R3HDM2: variants seen among roughly 807,000 people sequenced by gnomAD.
R3HDM2 encodes the protein R3H domain containing 2.
R3HDM2 carries 38 observed loss-of-function variants against 124.5 expected under a neutral mutation model. That is an observed-to-expected ratio of 0.31 (90% CI 0.24 to 0.40). The LOEUF is 0.40. Among genes scored for constraint, R3HDM2 ranks in the 10% least tolerant of loss-of-function variants. The pLI is 1.00. For synonymous variants in R3HDM2, 391 were observed against 448.0 expected (o/e 0.87, Z 1.61); for missense variants, 869 against 1,236.9 (o/e 0.70, Z 4.46).
chr12:57,336,891 A>G (rs2058921452), intron 2 of R3HDM2, among the ~76,000 whole-genome samples: 1 of 152,034 alleles, frequency 6.6e-6, no homozygotes, highest in Admixed American at 6.6e-5. Flanking sequence ...TAATGTTTAC[A>G]TTACAAAATT....
intron 3 of R3HDM2, chr12:57,304,622 T>G: frequency 1.7e-6 from 1 of 588,202 alleles, no homozygotes; most frequent in Non-Finnish European, 2.1e-6. Flanking sequence ...GTAAGATCTG[T>G]TGCAGTAAGG....
chr12:57,270,336 C>T (rs1295523036), intron 14 of R3HDM2, among the ~76,000 whole-genome samples: 2 of 152,210 alleles, frequency 1.3e-5, no homozygotes, highest in Non-Finnish European at 2.9e-5. Flanking sequence ...AATTCTCGTG[C>T]CTCAGCCTCC....
intron 4 of R3HDM2, 22 bp downstream of exon 4, chr12:57,303,154 A>G: frequency 6.7e-7 from 1 of 1,485,000 alleles, no homozygotes; most frequent in Non-Finnish European, 9.2e-7. Flanking sequence ...ATTAGAAAAG[A>G]AGCTAGAGGA....
At chr12:57,287,433 G>A (rs1388904820) in intron 12 of R3HDM2, among the ~76,000 whole-genome samples, 1 of 152,078 alleles carries the variant, frequency 6.6e-6, no homozygotes, top group Non-Finnish European at 1.5e-5. Flanking sequence ...ACAATGCAAG[G>A]TCCTCTCTGC....
At chr12:57,353,117 A>G (rs1162601659) in intron 2 of R3HDM2, among the ~76,000 whole-genome samples, 1 of 152,082 alleles carries the variant, frequency 6.6e-6, no homozygotes, top group Non-Finnish European at 1.5e-5. Flanking sequence ...AAATCAGAAA[A>G]AACATTGAAA....
At chr12:57,406,903 C>G (rs865906079) in intron 1 of R3HDM2, among the ~76,000 whole-genome samples, 1 of 152,052 alleles carries the variant, frequency 6.6e-6, no homozygotes, top group Admixed American at 6.6e-5. Context: ...GACAGATGAC[C>G]CAATTTCTTT....
At chr12:57,310,068 G>A (rs899135773) in intron 3 of R3HDM2, among the ~76,000 whole-genome samples, 196 bp downstream of exon 3, 4 of 152,068 alleles carry the variant, frequency 2.6e-5, no homozygotes, top group African/African-American at 9.7e-5. Context: ...TATATTAGCT[G>A]GATGTGGTTG....
intron 2 of R3HDM2, among the ~76,000 whole-genome samples, chr12:57,374,118 A>T (rs2063728328): frequency 6.6e-6 from 1 of 151,928 alleles, no homozygotes; most frequent in South Asian, 2.1e-4. Context: ...CCAGAGCAAG[A>T]CTCTGTCTCA....
intron 2 of R3HDM2, among the ~76,000 whole-genome samples, chr12:57,320,754 T>C (rs920780419): frequency 3.3e-5 from 5 of 151,900 alleles, no homozygotes; most frequent in African/African-American, 1.2e-4. Context: ...CATAATAGAG[T>C]GAGATTATAT....
At chr12:57,371,259 C>T (rs1433552737) in intron 2 of R3HDM2, among the ~76,000 whole-genome samples, 1 of 151,256 alleles carries the variant, frequency 6.6e-6, no homozygotes, top group African/African-American at 2.4e-5. Flanking sequence ...AAGTAAAGAA[C>T]ACAGGAGTAG....
At chr12:57,349,777 G>A (rs551882958) in intron 2 of R3HDM2, among the ~76,000 whole-genome samples, 211 of 152,036 alleles carry the variant, frequency 1.4e-3, no homozygotes, top group Non-Finnish European at 2.8e-3. Flanking sequence ...AGCCAGGATG[G>A]TCTCCATCTC....
chr12:57,300,740 A>G (rs533357850), intron 4 of R3HDM2, among the ~76,000 whole-genome samples: 4 of 152,354 alleles, frequency 2.6e-5, no homozygotes, highest in Admixed American at 6.5e-5. Context: ...CTTAGCATAC[A>G]GTAGACAATA....
intron 1 of R3HDM2, among the ~76,000 whole-genome samples, chr12:57,404,113 G>A (rs2068303311): frequency 1.3e-5 from 1 of 76,798 alleles, no homozygotes; most frequent in Admixed American, 2.0e-4. Context: ...TGCCCAGGCT[G>A]GAGTGCAATG....
intron 4 of R3HDM2, 117 bp downstream of exon 4, chr12:57,303,059 G>A: frequency 1.1e-6 from 1 of 949,664 alleles, no homozygotes; most frequent in Non-Finnish European, 1.6e-6. Context: ...GGGGTACAGA[G>A]TACAGGCAAG....
intron 17 of R3HDM2, 80 bp from the exon 18 acceptor site, chr12:57,268,537 T>C: frequency 1.4e-6 from 2 of 1,446,742 alleles, no homozygotes; most frequent in Non-Finnish European, 1.9e-6. Context: ...CATCACGAGA[T>C]CAGGGCATTA....
intron 1 of R3HDM2, among the ~76,000 whole-genome samples, chr12:57,414,760 T>C (rs567263670): frequency 2.0e-5 from 3 of 148,338 alleles, no homozygotes; most frequent in Admixed American, 6.8e-5. Context: ...TTGTACCCAG[T>C]AGGAGGAGGT....
chr12:57,305,001 T>C (rs914595545), intron 3 of R3HDM2, among the ~76,000 whole-genome samples: 6 of 152,160 alleles, frequency 3.9e-5, no homozygotes, highest in Non-Finnish European at 8.8e-5. Flanking sequence ...CTGGCCAACA[T>C]GGCAAAACCC....
chr12:57,279,332 G>A (rs1435279333), intron 14 of R3HDM2, among the ~76,000 whole-genome samples: 7 of 151,352 alleles, frequency 4.6e-5, no homozygotes, highest in Admixed American at 4.6e-4. Context: ...ACAGGCACCC[G>A]CCACCATACG....
chr12:57,285,444 AGAGTGT>A (rs922707476), intron 12 of R3HDM2, among the ~76,000 whole-genome samples: 18 of 140,588 alleles, frequency 1.3e-4, no homozygotes, highest in African/African-American at 4.3e-4. Flanking sequence ...AGAGAGAGAG[AGAGTGT>A]GTGTGTGTGT....
Sources: allele counts gnomAD v4.1 joint callset (sites outside exome capture counted in the v4.1 genomes callset), GRCh38; gene constraint gnomAD v4.1.1; transcripts MANE v1.5; gene names NCBI Gene and HGNC (gene_info 2026-07-23, HGNC 2026-07-21).